HCN3: variants seen among roughly 807,000 people sequenced by gnomAD.
HCN3 encodes the protein potassium/sodium hyperpolarization-activated cyclic nucleotide-gated channel 3.
HCN3 carries 36 observed loss-of-function variants against 56.8 expected under a neutral mutation model. That is an observed-to-expected ratio of 0.63 (90% CI 0.49 to 0.84). The LOEUF is 0.84. Among genes scored for constraint, HCN3 ranks in the 40% least tolerant of loss-of-function variants. HCN3 has a pLI of 0.00. For missense variants in HCN3, 930 were observed against 1,079.3 expected, an observed-to-expected ratio of 0.86 and a Z score of 1.94; for synonymous variants, 425 against 439.7, an observed-to-expected ratio of 0.97 and a Z score of 0.42.
chr1:155,280,720 G>A (rs555262043), intron 1 of HCN3, among the ~76,000 whole-genome samples: 5 of 144,496 alleles, frequency 3.5e-5, no homozygotes, highest in East Asian at 2.0e-4. Flanking sequence ...TTACAGGCGT[G>A]AGCCACCACG....
intron 6 of HCN3, 139 bp from the exon 7 acceptor site, chr1:155,287,034 C>A: frequency 1.1e-6 from 1 of 907,604 alleles, no homozygotes; most frequent in Non-Finnish European, 1.7e-6. Flanking sequence ...GTTCCTGGGG[C>A]ACGGAGGTAA....
In HCN3 at chr1:155,285,635, AG is replaced by A; in HGVS notation, c.1237-85del. 6.5e-7 allele frequency: 1 copy of A among 1,546,722 alleles called. No homozygotes were observed. Among genetic ancestry groups the A allele is most frequent in the Non-Finnish European group, 8.8e-7 (1 of 1,140,330 alleles). On this transcript the variant is annotated intron_variant, in intron 5 of 7. Coordinates refer to ENST00000368358, the MANE Select transcript of HCN3 (RefSeq NM_020897.3). The surrounding 1 kb of genome is among the most constrained non-coding windows in gnomAD (Gnocchi z 4.5). ...CCATCCTTTGGCAGAACATGACCCC[AG>A]GGGTGGGGTTTCTGGAAGCGGATGA...
Position 155,282,364 on chromosome 1 carries a change from G to A in HCN3, c.279-47G>A, listed in dbSNP as rs1479861208. 1 of 1,567,288 alleles carries A rather than the reference G, an allele frequency of 6.4e-7. No individual in the cohort carries two copies. On this transcript the variant is annotated intron_variant, in intron 1 of 7. Coordinates refer to ENST00000368358, the MANE Select transcript of HCN3 (RefSeq NM_020897.3). This position sits in a 1 kb window ranked among gnomAD's most constrained non-coding sequence, Gnocchi z 4.7. ...CCTATCTTCTGTCAGTCTAGTGGCTGGTGAAATATCCTCATGGTCTTACTC... is the reference window on the plus strand; with the variant it reads ...CCTATCTTCTGTCAGTCTAGTGGCTAGTGAAATATCCTCATGGTCTTACTC...
Position 155,282,809 on chromosome 1 carries a change from G to A in HCN3, c.677G>A (p.Arg226His). The A allele has an allele frequency of 2.7e-6, 4 of 1,503,078 alleles. No individual in the cohort carries two copies. Among genetic ancestry groups the A allele is most frequent in the Non-Finnish European group, 3.6e-6 (4 of 1,112,232 alleles). The allele number at this position is 1,503,078 out of a possible 1,614,324, so 93.1% of individuals were successfully genotyped here. Reference protein sequence around the residue: ...LSLLRLLRLSRLIRYIHQWEE... With the variant: ...LSLLRLLRLSHLIRYIHQWEE... Reference sequence around the variant, plus strand: ...CTGCTGAGGCTGCTCCGCCTCTCCCGCCTCATCCGCTACATACACCAGTGG... The same window carrying A: ...CTGCTGAGGCTGCTCCGCCTCTCCCACCTCATCCGCTACATACACCAGTGG... The change falls in exon 2 of 8, where the codon CGC becomes CAC. Residue 226 changes from arginine (R) to histidine (H), a missense_variant. Arg to His is a conservative substitution (Grantham distance 29, BLOSUM62 0). Coordinates refer to ENST00000368358, the MANE Select transcript of HCN3 (RefSeq NM_020897.3). This position sits in a 1 kb window ranked among gnomAD's most constrained non-coding sequence, Gnocchi z 4.7.
chr1:155,281,222 C>T (rs1426588319), intron 1 of HCN3, among the ~76,000 whole-genome samples: 1 of 151,672 alleles, frequency 6.6e-6, no homozygotes, highest in African/African-American at 2.4e-5. Context: ...AGGTGTGCAC[C>T]ACCATGCCCA....
In HCN3 at chr1:155,287,768, G is replaced by A. The variant is rs373694526; in HGVS notation, c.1643-13G>A. 1.7e-5 allele frequency: 27 copies of A among 1,558,332 alleles called. 1 individual carries two copies. Among genetic ancestry groups the A allele is most frequent in the Non-Finnish European group, 2.1e-5 (24 of 1,150,746 alleles). On this transcript the variant is annotated splice_polypyrimidine_tract_variant and intron_variant, in intron 7 of 7. Transcript: ENST00000368358. The stretch of plus-strand genomic sequence containing the variant: ...CCCTATCCTTAACTTCTCCCTCCCG[G>A]TACAACTTCTAGGCAAGAAGAATTC...
chr1:155,287,382 T>C (rs1223131264), intron 7 of HCN3, 45 bp downstream of exon 7: 6 of 1,602,880 alleles, frequency 3.7e-6, no homozygotes, highest in Non-Finnish European at 5.1e-6. Context: ...GACTGTGCTC[T>C]CACCCCACCT....
At chr1:155,281,122 G>A (rs1479776041) in intron 1 of HCN3, among the ~76,000 whole-genome samples, 2 of 148,088 alleles carry the variant, frequency 1.4e-5, no homozygotes, top group Non-Finnish European at 3.0e-5. Context: ...CCAGGCTGGA[G>A]TACAGTGGCG....
At position 155,277,617 on chromosome 1, in the gene HCN3, G is replaced by T. The variant is rs184885598; in HGVS notation, c.27G>T (p.Ala9=). MEAEQRPA[A]GASEGATPGL... is the part of the protein sequence containing the mutation. Reference sequence around the variant, plus strand: ...TGGAGGCAGAGCAGCGGCCGGCGGCGGGGGCCAGCGAAGGGGCGACCCCTG... The same window carrying T: ...TGGAGGCAGAGCAGCGGCCGGCGGCTGGGGCCAGCGAAGGGGCGACCCCTG... Residue 9 remains alanine (A), a synonymous_variant, in exon 1 of 8, where the codon GCG becomes GCT. Coordinates refer to ENST00000368358, the MANE Select transcript of HCN3 (RefSeq NM_020897.3). The T allele has an allele frequency of 4.0e-3, 6,282 of 1,556,054 alleles. 217 individuals carry two copies. The African/African-American group carries it at 0.076, about 19-fold the overall frequency.
In HCN3 at chr1:155,277,469, G is replaced by T; in HGVS notation, c.-122G>T. The T allele has an allele frequency of 7.9e-7, 1 of 1,261,186 alleles. No individual in the cohort carries two copies. The highest frequency in any genetic ancestry group is 1.1e-6 in the Non-Finnish European group (1 of 942,866). 78.1% of individuals were successfully genotyped at this position (1,261,186 alleles called of 1,614,324 possible). On this transcript the variant is annotated 5_prime_UTR_variant, in exon 1 of 8. Transcript: ENST00000368358. ...CTCCGCCCCGCGCGCCGGCGATTCC[G>T]AGCCTACGACGCCTCCGCTAGAGCC... is the stretch of plus-strand genomic sequence containing the variant.
chr1:155,288,625 C>T lies in HCN3; in HGVS notation c.*162C>T, dbSNP rs1333070272. The stretch of plus-strand genomic sequence containing the variant: ...CTGCCATGAAGACGGTCTCTGTGTC[C>T]TCAGCTCAAGAATCCTGTAGCTTGT... On this transcript the variant is annotated 3_prime_UTR_variant, in exon 8 of 8. Transcript: ENST00000368358. This position sits in a 1 kb window ranked among gnomAD's most constrained non-coding sequence, Gnocchi z 6.5. The T allele has an allele frequency of 1.2e-6, 1 of 862,112 alleles. No homozygotes were observed. 53.4% of individuals were successfully genotyped at this position (862,112 alleles called of 1,614,324 possible).
intron 1 of HCN3, among the ~76,000 whole-genome samples, chr1:155,279,328 G>A (rs1673930050): frequency 2.6e-5 from 4 of 152,208 alleles, no homozygotes; most frequent in Non-Finnish European, 5.9e-5. Context: ...CACGGTGTCT[G>A]CCACAGCAAT....
chr1:155,285,640 T>C lies in HCN3; in HGVS notation c.1237-84T>C. ...CTTTGGCAGAACATGACCCCAGGGG[T>C]GGGGTTTCTGGAAGCGGATGAGCTC... On this transcript the variant is annotated intron_variant, in intron 5 of 7. Coordinates refer to ENST00000368358, the MANE Select transcript of HCN3 (RefSeq NM_020897.3). This position sits in a 1 kb window ranked among gnomAD's most constrained non-coding sequence, Gnocchi z 4.5. 1 of 1,553,646 alleles carries C rather than the reference T, an allele frequency of 6.4e-7. No homozygotes were observed. The highest frequency in any genetic ancestry group is 1.2e-5 in the South Asian group (1 of 82,980).
rs1457361990 is a variant in HCN3 at position 155,284,903 on chromosome 1, T to C, written c.1089+146T>C. The C allele has an allele frequency of 1.2e-6, 1 of 867,632 alleles. No homozygotes were observed. The highest frequency in any genetic ancestry group is 1.8e-6 in the Non-Finnish European group (1 of 568,006). 53.7% of individuals were successfully genotyped at this position (867,632 alleles called of 1,614,324 possible). ...TCCATTTGTTCCCTGCCCCTGCATG[T>C]ACCTTTTCCTTGTTTGAACCTATGC... On this transcript the variant is annotated intron_variant, in intron 4 of 7. Coordinates refer to ENST00000368358, the MANE Select transcript of HCN3 (RefSeq NM_020897.3). The surrounding 1 kb of genome is among the most constrained non-coding windows in gnomAD (Gnocchi z 4.3).
chr1:155,277,617 G>C lies in HCN3; in HGVS notation c.27G>C (p.Ala9=). Residue 9 remains alanine, a synonymous_variant, in exon 1 of 8, where the codon GCG becomes GCC. Coordinates refer to ENST00000368358, the MANE Select transcript of HCN3 (RefSeq NM_020897.3). ...TGGAGGCAGAGCAGCGGCCGGCGGC[G>C]GGGGCCAGCGAAGGGGCGACCCCTG... MEAEQRPA[A]GASEGATPGL... is the part of the protein sequence containing the mutation. The C allele has an allele frequency of 6.4e-7, 1 of 1,556,058 alleles. No individual in the cohort carries two copies. The highest frequency in any genetic ancestry group is 2.4e-5 in the East Asian group (1 of 42,064).
At position 155,287,248 on chromosome 1, in the gene HCN3, G is replaced by T. The variant is rs141800759; in HGVS notation, c.1553G>T (p.Ser518Ile). The T allele has an allele frequency of 1.2e-6, 2 of 1,614,054 alleles. No homozygotes were observed. The highest frequency in any genetic ancestry group is 3.3e-5 in the Admixed American group (2 of 60,010). ...ADTYCRLYSL[S>I]VDHFNAVLEE... ...ACCTACTGCCGCCTTTACTCACTCA[G>T]CGTGGACCATTTCAATGCTGTGCTT... The change falls in exon 7 of 8, where the codon AGC becomes ATC. Residue 518 changes from serine to isoleucine, a missense_variant. By Grantham distance (142) the Ser-to-Ile change is moderately radical (BLOSUM62 -2). Transcript: ENST00000368358.
chr1:155,287,796 T>C lies in HCN3; in HGVS notation c.1658T>C (p.Ile553Thr), dbSNP rs1315015251. Residue 553 changes from isoleucine to threonine, a missense_variant, in exon 8 of 8, where the codon ATA becomes ACA. By Grantham distance (89) the Ile-to-Thr change is moderately conservative. Transcript: ENST00000368358. ...CAACTTCTAGGCAAGAAGAATTCCA[T>C]ACTGCAGCGGAAGCGCTCCGAGCCA... The part of the protein sequence containing the change: ...RLLRIGKKNS[I>T]LQRKRSEPSP... The C allele has an allele frequency of 1.3e-6, 2 of 1,588,886 alleles. No individual in the cohort carries two copies. Among genetic ancestry groups the C allele is most frequent in the East Asian group, 4.5e-5 (2 of 44,512 alleles).
chr1:155,283,259 G>A (rs1674147636), intron 2 of HCN3, among the ~76,000 whole-genome samples: 1 of 151,952 alleles, frequency 6.6e-6, no homozygotes, highest in African/African-American at 2.4e-5. Flanking sequence ...TAGGAGACTT[G>A]GTTTTCTGTT....
intron 1 of HCN3, among the ~76,000 whole-genome samples, chr1:155,280,854 A>G (rs1674015190): frequency 7.1e-6 from 1 of 141,618 alleles, no homozygotes; most frequent in African/African-American, 2.7e-5. Context: ...TCCCAGGTTC[A>G]AGCGATTCTC....
Sources: gnomAD v4.1 joint callset for allele counts (sites outside exome capture counted in the v4.1 genomes callset) on GRCh38, gnomAD v4.1.1 for gene constraint, Gnocchi (gnomAD v3.1) non-coding constraint, MANE v1.5 for transcripts, NCBI Gene and HGNC (gene_info 2026-07-23, HGNC 2026-07-21) for gene names.